NKAIN2: variants seen among roughly 807,000 people sequenced by gnomAD.
NKAIN2 encodes sodium/potassium-transporting ATPase subunit beta-1-interacting protein 2.
Under a neutral mutation model 32.6 loss-of-function variants are expected in NKAIN2, and 14 were observed. The observed-to-expected ratio is 0.43, with a 90% CI of 0.28 to 0.67. NKAIN2 has a LOEUF of 0.67. NKAIN2 is among the 30% of genes least tolerant of loss of function. The probability of loss-of-function intolerance (pLI) is 0.17; values close to 1 mark genes in which losing one functional copy is unlikely to be tolerated. For synonymous variants in NKAIN2, 80 were observed against 87.2 expected (o/e 0.92, Z 0.46); for missense variants, 198 against 258.3 (o/e 0.77, Z 1.60).
At chr6:124,356,151 G>A (rs896777871) in intron 3 of NKAIN2, among the ~76,000 whole-genome samples, 2 of 152,100 alleles carry the variant, frequency 1.3e-5, no homozygotes, top group Non-Finnish European at 2.9e-5. Flanking sequence ...GAAGGCCCCT[G>A]CAAACATGTT....
intron 4 of NKAIN2, among the ~76,000 whole-genome samples, chr6:124,727,076 T>G (rs1375785225): frequency 6.6e-6 from 1 of 152,056 alleles, no homozygotes; most frequent in African/African-American, 2.4e-5. Flanking sequence ...CAAATCTACG[T>G]CTGATTGGTG....
In NKAIN2 at chr6:124,791,995, C is replaced by T. The variant is rs115648666; in HGVS notation, c.535+596C>T. Among the ~76,000 whole-genome samples the T allele has an allele frequency of 3.1e-3, 476 of 152,172 alleles. 2 individuals are homozygous for T. The highest frequency in any genetic ancestry group is 0.011 in the African/African-American group (462 of 41,534). ...GATCCAGAGTTTAGATCACAGTACC[C>T]TCTTACAATCCTCCCAGTGGCTCTG... On this transcript the variant is annotated intron_variant, in intron 5 of 6. Coordinates refer to ENST00000368417, the MANE Select transcript of NKAIN2 (RefSeq NM_001040214.3).
chr6:123,911,801 G>GTATATA (rs200270867), intron 1 of NKAIN2, among the ~76,000 whole-genome samples: 40 of 58,398 alleles, frequency 6.8e-4, no homozygotes, highest in South Asian at 2.4e-3. Context: ...ATATATATAT[G>GTATATA]TATATATATA....
At chr6:123,981,641 G>A (rs1778901975) in intron 1 of NKAIN2, among the ~76,000 whole-genome samples, 1 of 152,174 alleles carries the variant, frequency 6.6e-6, no homozygotes, top group Non-Finnish European at 1.5e-5. Flanking sequence ...ACTTGTCTGC[G>A]ACAATTTGGT....
At chr6:124,059,451 C>A (rs1040038587) in intron 1 of NKAIN2, among the ~76,000 whole-genome samples, 1 of 152,114 alleles carries the variant, frequency 6.6e-6, no homozygotes, top group Admixed American at 6.6e-5. Context: ...CCTTATCTAA[C>A]CCTTACACCT....
intron 3 of NKAIN2, among the ~76,000 whole-genome samples, chr6:124,593,348 C>A (rs1056984608): frequency 5.3e-5 from 8 of 152,100 alleles, no homozygotes; most frequent in African/African-American, 1.9e-4. Context: ...TTTTTTAAAA[C>A]AATTATGTCA....
rs764882149 is a variant in NKAIN2, at chr6:124,238,171, G to T, written c.55-44834G>T. Among the ~76,000 whole-genome samples the T allele has an allele frequency of 8.6e-5, 13 of 151,850 alleles. No homozygotes were observed. In the East Asian group the frequency reaches 2.3e-3, roughly 27 times the overall value. Reference sequence around the variant, plus strand: ...GGGTAGATGGATAAAGGTTAGCCAGGGGGGAAGAAAAACAGGAAGGAGCAG... The same window carrying T: ...GGGTAGATGGATAAAGGTTAGCCAGTGGGGAAGAAAAACAGGAAGGAGCAG... On this transcript the variant is annotated intron_variant, in intron 1 of 6. Transcript: ENST00000368417.
intron 3 of NKAIN2, among the ~76,000 whole-genome samples, chr6:124,410,828 A>G (rs904926568): frequency 1.6e-4 from 24 of 152,138 alleles, no homozygotes; most frequent in African/African-American, 5.3e-4. Context: ...GTGGGAGTCT[A>G]AGTTTCTTTG....
intron 3 of NKAIN2, among the ~76,000 whole-genome samples, chr6:124,467,919 T>C (rs536942352): frequency 8.5e-5 from 13 of 152,252 alleles, no homozygotes; most frequent in African/African-American, 2.4e-4. Context: ...TTAGATAAAT[T>C]ATTTAACTTA....
chr6:124,518,415 G>A (rs1779003301), intron 3 of NKAIN2, among the ~76,000 whole-genome samples: 2 of 152,126 alleles, frequency 1.3e-5, no homozygotes, highest in African/African-American at 2.4e-5. Context: ...ATTTTAAAAA[G>A]ATGTTTGATT....
chr6:124,658,552 C>A, intron 4 of NKAIN2, 166 bp downstream of exon 4: 1 of 1,448,910 alleles, frequency 6.9e-7, no homozygotes, highest in Non-Finnish European at 9.1e-7. Context: ...CTAAACCATC[C>A]TCTGGACTTA....
At chr6:124,625,254 C>G (rs1019773726) in intron 3 of NKAIN2, among the ~76,000 whole-genome samples, 4 of 151,888 alleles carry the variant, frequency 2.6e-5, no homozygotes, top group Admixed American at 2.6e-4. Flanking sequence ...CATATTTTCT[C>G]TACAAAAAAA....
chr6:124,340,193 G>A (rs1364439637), intron 2 of NKAIN2, among the ~76,000 whole-genome samples: 1 of 152,148 alleles, frequency 6.6e-6, no homozygotes, highest in African/African-American at 2.4e-5. Flanking sequence ...TGATGAATAT[G>A]TGACAATGAG....
At chr6:124,473,802 T>C (rs1371275686) in intron 3 of NKAIN2, among the ~76,000 whole-genome samples, 17 of 152,136 alleles carry the variant, frequency 1.1e-4, no homozygotes, top group Admixed American at 1.0e-3. Flanking sequence ...CTGGAACCCA[T>C]TGAGTGCACT....
chr6:124,673,075 A>T (rs991570634), intron 4 of NKAIN2, among the ~76,000 whole-genome samples: 5 of 151,988 alleles, frequency 3.3e-5, no homozygotes, highest in African/African-American at 4.8e-5. Flanking sequence ...GGCACCCACC[A>T]TCATACTCTC....
chr6:124,074,826 A>G (rs1229336366), intron 1 of NKAIN2, among the ~76,000 whole-genome samples: 1 of 152,178 alleles, frequency 6.6e-6, no homozygotes, highest in Non-Finnish European at 1.5e-5. Flanking sequence ...CGGAATACGC[A>G]TATTCCTTAT....
intron 1 of NKAIN2, among the ~76,000 whole-genome samples, chr6:123,808,401 A>G (rs1490277844): frequency 6.6e-6 from 1 of 152,226 alleles, no homozygotes; most frequent in Admixed American, 6.5e-5. Flanking sequence ...GAGTTTGCTA[A>G]GTTGTAAAAT....
chr6:124,626,134 ATGTATT>A lies in NKAIN2; in HGVS notation c.274-32046_274-32041del, dbSNP rs1168835333. Among the ~76,000 whole-genome samples the A allele has an allele frequency of 1.3e-4, 17 of 129,090 alleles. No homozygotes were observed. The East Asian group carries it at 4.1e-3, about 31-fold the overall frequency. The allele number at this position is 129,090 out of a possible 152,430, so 84.7% of individuals were successfully genotyped here. ...ACAGTCCCCAGGGTGACCAGTTTTA[ATGTATT>A]TGTATCACCACTTTAAAATAGAAAA... On this transcript the variant is annotated intron_variant, in intron 3 of 6. Coordinates refer to ENST00000368417, the MANE Select transcript of NKAIN2 (RefSeq NM_001040214.3).
At chr6:123,884,339 A>T (rs1351449112) in intron 1 of NKAIN2, among the ~76,000 whole-genome samples, 1 of 152,116 alleles carries the variant, frequency 6.6e-6, no homozygotes, top group Non-Finnish European at 1.5e-5. Context: ...CATTTTCTTT[A>T]TCCAGTCTAT....
Sources: allele counts gnomAD v4.1 joint callset (sites outside exome capture counted in the v4.1 genomes callset), GRCh38; gene constraint gnomAD v4.1.1; transcripts MANE v1.5; gene names NCBI Gene and HGNC (gene_info 2026-07-23, HGNC 2026-07-21).